ARL8B: variants seen among roughly 807,000 people sequenced by gnomAD.
The protein encoded by ARL8B is ADP-ribosylation factor-like protein 8B.
A neutral mutation model predicts 30.6 loss-of-function variants in ARL8B; 9 were observed. The ratio of observed to expected loss-of-function variants is 0.29; its 90% CI spans 0.18 to 0.51. The LOEUF (loss-of-function observed/expected upper bound fraction) is 0.51. Among genes scored for constraint, ARL8B ranks in the 20% least tolerant of loss-of-function variants. The pLI is 0.97. For synonymous variants in ARL8B, 74 were observed against 76.0 expected (o/e 0.97, Z 0.14); for missense variants, 130 against 227.2 (o/e 0.57, Z 2.75).
chr3:5,142,002 G>T (rs1031440582), intron 1 of ARL8B, among the ~76,000 whole-genome samples: 1 of 152,078 alleles, frequency 6.6e-6, no homozygotes, highest in Non-Finnish European at 1.5e-5. Flanking sequence ...GACTCCTATT[G>T]AGTCAACATA....
chr3:5,143,691 G>A (rs1294246341), intron 1 of ARL8B, among the ~76,000 whole-genome samples: 1 of 152,232 alleles, frequency 6.6e-6, no homozygotes. Flanking sequence ...TTCTTAACAA[G>A]TCTTAATCAG....
rs115469344 is a variant in ARL8B, at chr3:5,133,353, A to G, written c.123+10765A>G. ...TTAATTTAGCAGCAATATAGAGACC[A>G]TCCGCAAGGAAATTGGTTACAAGGT... On this transcript the variant is annotated intron_variant, in intron 1 of 6. Transcript: ENST00000256496. Among the ~76,000 whole-genome samples the G allele has an allele frequency of 3.3e-3, 500 of 152,326 alleles. 2 individuals are homozygous for G. The highest frequency in any genetic ancestry group is 0.012 in the African/African-American group (483 of 41,582).
chr3:5,153,697 T>C (rs929970096), intron 1 of ARL8B, among the ~76,000 whole-genome samples: 2 of 152,224 alleles, frequency 1.3e-5, no homozygotes, highest in Non-Finnish European at 2.9e-5. Context: ...GAGTTTATTA[T>C]ATTTACCCAG....
At chr3:5,124,854 G>C (rs535545753) in intron 1 of ARL8B, among the ~76,000 whole-genome samples, 1 of 152,320 alleles carries the variant, frequency 6.6e-6, no homozygotes, top group Non-Finnish European at 1.5e-5. Flanking sequence ...CCCTTGAGAT[G>C]AGAATTGGAG....
chr3:5,147,060 A>G (rs1012581722), intron 1 of ARL8B, among the ~76,000 whole-genome samples: 8 of 151,368 alleles, frequency 5.3e-5, no homozygotes, highest in Admixed American at 2.0e-4. Flanking sequence ...TCTAGGGTAC[A>G]TGTGCACAAC....
chr3:5,143,525 C>G (rs1298887858), intron 1 of ARL8B, among the ~76,000 whole-genome samples: 3 of 152,238 alleles, frequency 2.0e-5, no homozygotes, highest in Non-Finnish European at 2.9e-5. Context: ...GTGATCCATG[C>G]ACTTTCCACT....
rs1331029196 is a variant in ARL8B, at chr3:5,174,424, G to T, written c.511+10G>T. 3 of 1,564,034 alleles carry T rather than the reference G, an allele frequency of 1.9e-6. No homozygotes were observed. On this transcript the variant is annotated intron_variant, in intron 6 of 6. Transcript: ENST00000256496. ...GAAAAGGATAATATAGGTAAGAAAT[G>T]ACTGGTAATTTTGGAAGAAATGGGT... is the stretch of plus-strand genomic sequence containing the variant.
chr3:5,166,013 C>T (rs1278537285), intron 1 of ARL8B, among the ~76,000 whole-genome samples: 1 of 151,696 alleles, frequency 6.6e-6, no homozygotes, highest in Non-Finnish European at 1.5e-5. Flanking sequence ...GCACCCGCCC[C>T]CTCACCCGTT....
intron 1 of ARL8B, among the ~76,000 whole-genome samples, chr3:5,154,888 T>G (rs1413835531): frequency 2.3e-5 from 3 of 129,232 alleles, no homozygotes; most frequent in African/African-American, 1.1e-4. Context: ...TTTTTGTGGT[T>G]GTTTTTGTTT....
intron 1 of ARL8B, among the ~76,000 whole-genome samples, chr3:5,149,567 C>A (rs2054461050): frequency 1.3e-5 from 2 of 152,224 alleles, no homozygotes; most frequent in South Asian, 4.1e-4. Context: ...TGTGGAGTTA[C>A]AATCTTCCCA....
At chr3:5,165,867 T>C (rs967203395) in intron 1 of ARL8B, among the ~76,000 whole-genome samples, 2 of 152,164 alleles carry the variant, frequency 1.3e-5, no homozygotes, top group Non-Finnish European at 2.9e-5. Context: ...ATCCATTTAG[T>C]ACTACTCTAC....
intron 1 of ARL8B, among the ~76,000 whole-genome samples, chr3:5,146,296 G>A (rs982490513): frequency 4.6e-5 from 7 of 152,146 alleles, no homozygotes; most frequent in Admixed American, 2.0e-4. Context: ...GTAGGGGTTG[G>A]GCACCACAGG....
chr3:5,166,579 C>G (rs1434861930), intron 1 of ARL8B, among the ~76,000 whole-genome samples: 1 of 152,008 alleles, frequency 6.6e-6, no homozygotes, highest in Non-Finnish European at 1.5e-5. Context: ...CTCAGGCAAT[C>G]CACCTGCCTT....
intron 1 of ARL8B, among the ~76,000 whole-genome samples, chr3:5,131,935 G>C (rs1023023002): frequency 3.3e-5 from 5 of 152,170 alleles, no homozygotes; most frequent in Admixed American, 2.6e-4. Context: ...CCAAACTGGA[G>C]TAAAGTGGCA....
At chr3:5,129,665 G>A (rs1297949890) in intron 1 of ARL8B, among the ~76,000 whole-genome samples, 1 of 151,990 alleles carries the variant, frequency 6.6e-6, no homozygotes, top group Non-Finnish European at 1.5e-5. Context: ...CCCCACCATA[G>A]CCTCCCAAGT....
At chr3:5,170,861 G>C (rs1447395352) in intron 2 of ARL8B, 2 of 254,004 alleles carry the variant, frequency 7.9e-6, no homozygotes, top group Non-Finnish European at 1.5e-5. Context: ...CTCCAAAATA[G>C]CTAAGATGAC....
chr3:5,174,469 A>G (rs1340308784), intron 6 of ARL8B, 55 bp downstream of exon 6: 14 of 1,151,854 alleles, frequency 1.2e-5, no homozygotes, highest in Non-Finnish European at 1.8e-5. Context: ...AGGAATGTCT[A>G]TGCTTCTTAC....
Position 5,122,335 on chromosome 3 carries a change from C to A in ARL8B, c.-131C>A, listed in dbSNP as rs914684418. On this transcript the variant is annotated 5_prime_UTR_variant, in exon 1 of 7. Coordinates refer to ENST00000256496, the MANE Select transcript of ARL8B (RefSeq NM_018184.3). ...CCTGGGTCTGGCTGCTGCCGCCCGC[C>A]GGTGTCCGCCCGTGTCGCGCCGGGG... is the stretch of plus-strand genomic sequence containing the variant. 8 of 1,536,046 alleles carry A rather than the reference C, an allele frequency of 5.2e-6. No homozygotes were observed. In the African/African-American group the frequency reaches 8.3e-5, roughly 16 times the overall value.
At chr3:5,137,770 T>G (rs1223765415) in intron 1 of ARL8B, among the ~76,000 whole-genome samples, 1 of 152,082 alleles carries the variant, frequency 6.6e-6, no homozygotes, top group Admixed American at 6.6e-5. Context: ...TTTTATTTTT[T>G]GTGGCGACAG....
Sources: gnomAD v4.1 joint callset for allele counts (sites outside exome capture counted in the v4.1 genomes callset) on GRCh38, gnomAD v4.1.1 for gene constraint, MANE v1.5 for transcripts, NCBI Gene and HGNC (gene_info 2026-07-23, HGNC 2026-07-21) for gene names.